The following PTPRT variants were observed in gnomAD, a reference collection of about 807,000 sequenced individuals.
PTPRT encodes the protein receptor-type tyrosine-protein phosphatase T.
Under a neutral mutation model 176.8 loss-of-function variants are expected in PTPRT, and 56 were observed. That is an observed-to-expected ratio of 0.32 (90% confidence interval 0.26 to 0.40). The LOEUF (loss-of-function observed/expected upper bound fraction) is 0.40. PTPRT is among the 10% of genes least tolerant of loss of function. The pLI is 1.00. For missense variants in PTPRT, 1,540 were observed against 1,908.2 expected (o/e 0.81, Z 3.60); for synonymous variants, 783 against 739.0 (o/e 1.06, Z -0.96).
intron 1 of PTPRT, among the ~76,000 whole-genome samples, chr20:43,029,572 G>A (rs201084090): frequency 6.6e-6 from 1 of 152,174 alleles, no homozygotes. Flanking sequence ...TACAGTCTAC[G>A]GTAATTTGTA....
intron 1 of PTPRT, among the ~76,000 whole-genome samples, chr20:43,054,499 G>A (rs1233491773): frequency 1.3e-5 from 2 of 151,542 alleles, no homozygotes; most frequent in African/African-American, 2.4e-5. Context: ...GGCGGCAGTG[G>A]GCCAAGATTG....
intron 12 of PTPRT, among the ~76,000 whole-genome samples, chr20:42,282,855 A>G (rs778881690): frequency 1.3e-5 from 2 of 152,144 alleles, no homozygotes; most frequent in Non-Finnish European, 2.9e-5. Context: ...CGTAGTGGGT[A>G]CTTGGGGTAT....
intron 2 of PTPRT, among the ~76,000 whole-genome samples, chr20:42,846,305 C>T (rs910778448): frequency 6.6e-6 from 1 of 152,164 alleles, no homozygotes; most frequent in Non-Finnish European, 1.5e-5. Context: ...ATTAAGACAC[C>T]TAATGGAACA....
Position 42,449,904 on chromosome 20 carries a change from A to C in PTPRT, c.1451-1575T>G, listed in dbSNP as rs558970667. ...TTCACATGTTCAAATATTATTTTCC[A>C]ATCTTTTTATGCATATAAAATTTTA... is the stretch of plus-strand genomic sequence containing the variant. On this transcript the variant is annotated intron_variant, in intron 8 of 30. Transcript: ENST00000373187. Among the ~76,000 whole-genome samples, 29 of 152,378 alleles carry C rather than the reference A, an allele frequency of 1.9e-4. No individual in the cohort carries two copies. The South Asian group carries it at 6.0e-3, about 32-fold the overall frequency.
intron 9 of PTPRT, among the ~76,000 whole-genome samples, chr20:42,437,736 C>T (rs781751336): frequency 7.2e-5 from 11 of 152,098 alleles, no homozygotes; most frequent in Non-Finnish European, 1.3e-4. Flanking sequence ...TGCTAGCTCC[C>T]GAGCTAATGA....
chr20:42,852,963 A>G (rs1260138071), intron 2 of PTPRT, among the ~76,000 whole-genome samples: 1 of 152,180 alleles, frequency 6.6e-6, no homozygotes, highest in Non-Finnish European at 1.5e-5. Context: ...ATGGTGGTGG[A>G]GCTGCCCAGC....
chr20:42,081,233 A>G (rs543444942), intron 30 of PTPRT, among the ~76,000 whole-genome samples: 2 of 152,264 alleles, frequency 1.3e-5, no homozygotes, highest in South Asian at 4.2e-4. Flanking sequence ...AAATCTTTTT[A>G]AAATGCACAT....
At chr20:43,181,266 C>T (rs1030414869) in intron 1 of PTPRT, among the ~76,000 whole-genome samples, 11 of 152,222 alleles carry the variant, frequency 7.2e-5, no homozygotes, top group Non-Finnish European at 1.6e-4. Context: ...CCCAGCTATG[C>T]CACACAGATT....
At chr20:43,071,313 G>T (rs1344209425) in intron 1 of PTPRT, among the ~76,000 whole-genome samples, 2 of 152,172 alleles carry the variant, frequency 1.3e-5, no homozygotes, top group Non-Finnish European at 2.9e-5. Flanking sequence ...CCCACTCCAG[G>T]CTTTCTGGAT....
chr20:42,379,927 C>T (rs1206751419), intron 9 of PTPRT, among the ~76,000 whole-genome samples: 2 of 152,104 alleles, frequency 1.3e-5, no homozygotes, highest in African/African-American at 2.4e-5. Context: ...TTTCAAAAGG[C>T]CTGTTGCAGA....
chr20:43,140,060 C>T (rs1453229676), intron 1 of PTPRT, among the ~76,000 whole-genome samples: 2 of 152,174 alleles, frequency 1.3e-5, no homozygotes, highest in East Asian at 1.9e-4. Flanking sequence ...CCTTCCCCAG[C>T]GTTTATTACA....
chr20:43,027,699 G>A (rs1478681806), intron 1 of PTPRT, among the ~76,000 whole-genome samples: 1 of 152,116 alleles, frequency 6.6e-6, no homozygotes, highest in Admixed American at 6.5e-5. Flanking sequence ...CCCCAGAACT[G>A]TGAGAAAATA....
At chr20:42,793,241 G>A (rs2077403162) in intron 2 of PTPRT, among the ~76,000 whole-genome samples, 1 of 152,164 alleles carries the variant, frequency 6.6e-6, no homozygotes, top group Non-Finnish European at 1.5e-5. Context: ...TGGATATGTT[G>A]CATAGTGGCA....
intron 27 of PTPRT, among the ~76,000 whole-genome samples, chr20:42,089,884 A>T (rs1984427159): frequency 6.6e-6 from 1 of 152,190 alleles, no homozygotes; most frequent in Non-Finnish European, 1.5e-5. Context: ...AATGACTCTC[A>T]TCAATAAGAA....
chr20:43,057,843 AT>A (rs1371883394), intron 1 of PTPRT, among the ~76,000 whole-genome samples: 7 of 152,218 alleles, frequency 4.6e-5, no homozygotes, highest in African/African-American at 1.7e-4. Context: ...CATTAGTCAC[AT>A]GATTATTTGT....
chr20:43,046,650 C>T (rs1456330311), intron 1 of PTPRT, among the ~76,000 whole-genome samples: 6 of 152,054 alleles, frequency 3.9e-5, no homozygotes, highest in African/African-American at 1.2e-4. Context: ...CCAGTGGCTT[C>T]GCCTCATCTC....
chr20:42,514,170 G>A (rs1024745355), intron 7 of PTPRT, among the ~76,000 whole-genome samples: 3 of 152,140 alleles, frequency 2.0e-5, no homozygotes, highest in South Asian at 4.1e-4. Flanking sequence ...TAAAATATAC[G>A]ATATATTCAT....
rs2074109918 is a variant in PTPRT, at chr20:42,617,724, C to A, written c.1153+60142G>T. 2.2e-5 allele frequency among the ~76,000 whole-genome samples: 3 copies of A among 139,250 alleles called. 1 individual carries two copies. The highest frequency in any genetic ancestry group is 6.9e-5 in the Admixed American group (1 of 14,560). The allele number at this position is 139,250 out of a possible 152,430, so 91.4% of individuals were successfully genotyped here. A position where few individuals can be genotyped will look rare whatever the true frequency, so the allele number is the denominator to read the frequency against. On this transcript the variant is annotated intron_variant, in intron 7 of 30. Coordinates refer to ENST00000373187, the MANE Select transcript of PTPRT (RefSeq NM_007050.6). ...TCTTCTAGATTTTCTAGTTTATTTG[C>A]GTAGAGGTGTTTGTAGTACTCTCTG...
chr20:42,387,151 A>C (rs776694434), intron 9 of PTPRT, among the ~76,000 whole-genome samples: 28 of 152,234 alleles, frequency 1.8e-4, no homozygotes, highest in Non-Finnish European at 3.1e-4. Flanking sequence ...TACTCTCTTC[A>C]TATTAAACAT....
Sources: gnomAD v4.1 joint callset for allele counts (sites outside exome capture counted in the v4.1 genomes callset) on GRCh38, gnomAD v4.1.1 for gene constraint, MANE v1.5 for transcripts, NCBI Gene and HGNC (gene_info 2026-07-23, HGNC 2026-07-21) for gene names.